KAZN: variants seen among roughly 807,000 people sequenced by gnomAD.
KAZN encodes the protein kazrin.
In KAZN, 40 loss-of-function variants were observed where a neutral mutation model predicts 87.4. The ratio of observed to expected loss-of-function variants is 0.46; its 90% CI spans 0.36 to 0.60. KAZN has a LOEUF of 0.60. Ranked by LOEUF, KAZN falls within the 20% of genes least tolerant of loss-of-function variation. The pLI is 0.00. For missense variants in KAZN, 898 were observed against 1,073.9 expected, an observed-to-expected ratio of 0.84 and a Z score of 2.29; for synonymous variants, 466 against 458.3, an observed-to-expected ratio of 1.02 and a Z score of -0.22.
intron 2 of KAZN, among the ~76,000 whole-genome samples, chr1:14,561,053 C>T (rs1262801148): frequency 1.3e-5 from 2 of 152,148 alleles, no homozygotes; most frequent in East Asian, 1.9e-4. Context: ...CTCCTGAGTG[C>T]TCACTCTGGA....
chr1:15,108,366 C>T (rs1223451694), intron 13 of KAZN, among the ~76,000 whole-genome samples: 5 of 152,230 alleles, frequency 3.3e-5, no homozygotes, highest in East Asian at 1.9e-4. Context: ...GGCCTGTGTG[C>T]AATGGGACCC....
intron 1 of KAZN, among the ~76,000 whole-genome samples, chr1:14,071,043 G>A (rs1047234316): frequency 6.6e-6 from 1 of 152,068 alleles, no homozygotes; most frequent in Non-Finnish European, 1.5e-5. Context: ...TGGGCTGATT[G>A]TCACAGGCAT....
chr1:14,682,818 C>T (rs1348588294), intron 1 of KAZN, among the ~76,000 whole-genome samples: 1 of 152,172 alleles, frequency 6.6e-6, no homozygotes, highest in Non-Finnish European at 1.5e-5. Context: ...AACAAGTCCA[C>T]ACAAGGTAGA....
At chr1:14,875,700 TGAGAGTAC>T (rs1652692167) in intron 1 of KAZN, among the ~76,000 whole-genome samples, 1 of 152,144 alleles carries the variant, frequency 6.6e-6, no homozygotes, top group South Asian at 2.1e-4. Flanking sequence ...AAATTGATGA[TGAGAGTAC>T]GTACACCATG....
intron 1 of KAZN, among the ~76,000 whole-genome samples, chr1:14,022,485 CAAAAAAAAAAAAAAAA>C (rs58713618): frequency 6.5e-4 from 72 of 110,484 alleles, no homozygotes; most frequent in Admixed American, 3.2e-4. Context: ...GTATTTAAAG[CAAAAAAAAAAAAAAAA>C]AAAAAAAAAA....
intron 1 of KAZN, among the ~76,000 whole-genome samples, chr1:14,825,090 A>G (rs1646846344): frequency 6.6e-6 from 1 of 152,164 alleles, no homozygotes; most frequent in African/African-American, 2.4e-5. Flanking sequence ...GACTTTTCCC[A>G]CTGCCCCAGG....
Position 14,014,791 on chromosome 1 carries a change from A to G in KAZN, c.91+121035A>G, listed in dbSNP as rs151200365. Reference sequence around the variant, plus strand: ...GTGAGAAAGTGGAGCCCTGTTTAAAATAATAAGCCCCTGCACAACTTAATA... The same window carrying G: ...GTGAGAAAGTGGAGCCCTGTTTAAAGTAATAAGCCCCTGCACAACTTAATA... On this transcript the variant is annotated intron_variant, in intron 1 of 16. Coordinates refer to the KAZN transcript ENST00000636203. 5.9e-5 allele frequency among the ~76,000 whole-genome samples: 9 copies of G among 152,310 alleles called. No individual in the cohort carries two copies. In the East Asian group the frequency reaches 1.7e-3, roughly 29 times the overall value.
At chr1:14,709,278 T>C (rs1312033819) in intron 1 of KAZN, among the ~76,000 whole-genome samples, 2 of 152,182 alleles carry the variant, frequency 1.3e-5, no homozygotes, top group Non-Finnish European at 2.9e-5. Context: ...AAAAACCCAA[T>C]TAATAAAGTG....
intron 2 of KAZN, among the ~76,000 whole-genome samples, chr1:14,334,099 C>CT (rs1272313928): frequency 1.3e-5 from 2 of 151,860 alleles, no homozygotes; most frequent in African/African-American, 4.8e-5. Flanking sequence ...GCAAGGTTGG[C>CT]TCATGCCTGT....
At chr1:14,168,733 T>C (rs1435766879) in intron 1 of KAZN, among the ~76,000 whole-genome samples, 1 of 152,190 alleles carries the variant, frequency 6.6e-6, no homozygotes, top group Non-Finnish European at 1.5e-5. Context: ...CAGAGGGCCA[T>C]AGAGCACTTC....
intron 1 of KAZN, among the ~76,000 whole-genome samples, chr1:14,159,019 G>A (rs1645653953): frequency 6.6e-6 from 1 of 151,992 alleles, no homozygotes; most frequent in Non-Finnish European, 1.5e-5. Context: ...AAGTACTCCT[G>A]TGGCCACCAC....
intron 2 of KAZN, among the ~76,000 whole-genome samples, chr1:14,396,549 C>G (rs1228735034): frequency 6.6e-6 from 1 of 152,236 alleles, no homozygotes; most frequent in African/African-American, 2.4e-5. Context: ...ATTTTCCAAA[C>G]TATTTTGACA....
At chr1:14,405,397 A>G (rs1663755914) in intron 2 of KAZN, among the ~76,000 whole-genome samples, 1 of 152,148 alleles carries the variant, frequency 6.6e-6, no homozygotes, top group Admixed American at 6.5e-5. Context: ...TTGATTATAA[A>G]GTTTTGACAC....
intron 2 of KAZN, among the ~76,000 whole-genome samples, chr1:14,967,993 C>T (rs187154765): frequency 1.4e-4 from 21 of 152,186 alleles, no homozygotes; most frequent in Admixed American, 2.0e-4. Flanking sequence ...ACCAGGTGTC[C>T]GGGGTTGGGG....
intron 1 of KAZN, among the ~76,000 whole-genome samples, chr1:14,157,430 C>A (rs777577536): frequency 9.9e-5 from 15 of 152,218 alleles, no homozygotes; most frequent in Non-Finnish European, 1.6e-4. Context: ...TATGAAATCC[C>A]CCAGCTTTTG....
intron 2 of KAZN, among the ~76,000 whole-genome samples, chr1:14,307,142 C>T (rs1295036995): frequency 6.6e-6 from 1 of 152,134 alleles, no homozygotes; most frequent in Non-Finnish European, 1.5e-5. Flanking sequence ...GTTCATATGC[C>T]ACTGCCTCCT....
At chr1:14,724,247 A>G (rs1448536962) in intron 1 of KAZN, among the ~76,000 whole-genome samples, 1 of 152,208 alleles carries the variant, frequency 6.6e-6, no homozygotes, top group Non-Finnish European at 1.5e-5. Flanking sequence ...AGGGAAAAAA[A>G]AAGTGAATTC....
intron 1 of KAZN, among the ~76,000 whole-genome samples, chr1:14,130,074 A>G (rs1259001917): frequency 1.3e-5 from 2 of 152,276 alleles, no homozygotes; most frequent in East Asian, 3.8e-4. Flanking sequence ...TACAACAGTC[A>G]GTAAGTCTGT....
At chr1:14,481,139 G>T (rs1479080205) in intron 2 of KAZN, among the ~76,000 whole-genome samples, 3 of 151,828 alleles carry the variant, frequency 2.0e-5, no homozygotes, top group Non-Finnish European at 2.9e-5. Flanking sequence ...GTCAGGAGAG[G>T]GCTGCAGGAG....
Sources: allele counts gnomAD v4.1 joint callset (sites outside exome capture counted in the v4.1 genomes callset), GRCh38; gene constraint gnomAD v4.1.1; transcripts MANE v1.5; gene names NCBI Gene and HGNC (gene_info 2026-07-23, HGNC 2026-07-21).